Variants in DYNC1I1 observed in about 807,000 individuals in gnomAD.
DYNC1I1 encodes cytoplasmic dynein 1 intermediate chain 1.
DYNC1I1 carries 43 observed loss-of-function variants against 86.6 expected under a neutral mutation model. The ratio of observed to expected loss-of-function variants is 0.50; its 90% CI spans 0.39 to 0.64. The LOEUF is 0.64. Ranked by LOEUF, DYNC1I1 falls within the 30% of genes least tolerant of loss-of-function variation. The pLI, the probability that DYNC1I1 is intolerant of heterozygous loss-of-function variation, is 0.00. For missense variants in DYNC1I1, 604 were observed against 788.8 expected, an observed-to-expected ratio of 0.77 and a Z score of 2.81; for synonymous variants, 262 against 283.7, an observed-to-expected ratio of 0.92 and a Z score of 0.77.
chr7:96,059,353 CA>C (rs1045493556), intron 14 of DYNC1I1, among the ~76,000 whole-genome samples: 6 of 150,590 alleles, frequency 4.0e-5, no homozygotes, highest in East Asian at 2.0e-4. Context: ...AAATAGGCAA[CA>C]AAAAAAAGAT....
chr7:96,039,457 A>G (rs779364299), intron 14 of DYNC1I1, 36 bp downstream of exon 14: 2 of 1,612,674 alleles, frequency 1.2e-6, no homozygotes, highest in African/African-American at 1.3e-5. Context: ...CAGATAATAC[A>G]TAAGGGCAGA....
At chr7:96,084,590 T>G (rs1790624782) in intron 16 of DYNC1I1, among the ~76,000 whole-genome samples, 1 of 152,008 alleles carries the variant, frequency 6.6e-6, no homozygotes, top group African/African-American at 2.4e-5. Context: ...ACCCAGCAAA[T>G]TTTTGTATTT....
chr7:95,774,430 C>G (rs1249721855), intron 1 of DYNC1I1, among the ~76,000 whole-genome samples: 1 of 152,166 alleles, frequency 6.6e-6, no homozygotes, highest in African/African-American at 2.4e-5. Flanking sequence ...AGCCTTTCCT[C>G]CCTCTTTGCT....
Position 95,968,822 on chromosome 7 carries a change from C to CTGTGTG in DYNC1I1, c.491-8689_491-8688insGTGTGT, listed in dbSNP as rs1491236339. On this transcript the variant is annotated intron_variant, in intron 6 of 16. Transcript: ENST00000447467. ...ATCTTCAATTGTTCTGAATTTTTTG[C>CTGTGTG]TCTGTGTGTGTGTGTGTGTGTGTGT... Among the ~76,000 whole-genome samples the CTGTGTG allele has an allele frequency of 1.7e-4, 23 of 133,632 alleles. No individual in the cohort carries two copies. The East Asian group carries it at 2.5e-3, about 14-fold the overall frequency. 87.7% of individuals were successfully genotyped at this position (133,632 alleles called of 152,430 possible).
chr7:95,992,242 T>C (rs898629123), intron 9 of DYNC1I1, among the ~76,000 whole-genome samples: 1 of 152,172 alleles, frequency 6.6e-6, no homozygotes, highest in East Asian at 1.9e-4. Context: ...TAGTTACTTC[T>C]ACGTGTGTCT....
intron 6 of DYNC1I1, among the ~76,000 whole-genome samples, chr7:95,915,384 A>C (rs1435982304): frequency 6.6e-6 from 1 of 152,250 alleles, no homozygotes; most frequent in Admixed American, 6.5e-5. Flanking sequence ...ACTTACATCT[A>C]TCTCCAGAGC....
intron 16 of DYNC1I1, among the ~76,000 whole-genome samples, chr7:96,107,222 G>T (rs879440891): frequency 6.6e-6 from 1 of 151,734 alleles, no homozygotes; most frequent in Non-Finnish European, 1.5e-5. Flanking sequence ...TAGAGACAGG[G>T]TTTCATCATG....
intron 4 of DYNC1I1, among the ~76,000 whole-genome samples, chr7:95,816,466 C>T (rs1584248973): frequency 6.6e-6 from 1 of 152,014 alleles, no homozygotes; most frequent in South Asian, 2.1e-4. Flanking sequence ...TTTATGCTTC[C>T]ATTGTTATAT....
rs182644077 is a variant in DYNC1I1 at position 96,106,408 on chromosome 7, G to A, written c.1543-3571G>A. 6.3e-3 allele frequency among the ~76,000 whole-genome samples: 964 copies of A among 152,000 alleles called. 9 individuals carry two copies. Among genetic ancestry groups the A allele is most frequent in the African/African-American group, 0.014 (583 of 41,438 alleles). ...AAATTAGCCAGGTGTGGTGGCCGGC[G>A]CCTATAATCCCAGCTACTCGGGAGG... On this transcript the variant is annotated intron_variant, in intron 16 of 16. Coordinates refer to the DYNC1I1 transcript ENST00000537881.
At chr7:95,901,042 A>G (rs1311851595) in intron 6 of DYNC1I1, among the ~76,000 whole-genome samples, 3 of 152,230 alleles carry the variant, frequency 2.0e-5, no homozygotes, top group Admixed American at 2.0e-4. Context: ...CAAACATGGC[A>G]TCCTCCTTTT....
At position 95,984,912 on chromosome 7, in the gene DYNC1I1, A is replaced by G. The variant is rs1257058333; in HGVS notation, c.678A>G (p.Arg226=). 1.9e-6 allele frequency: 3 copies of G among 1,613,718 alleles called. No homozygotes were observed. The South Asian group carries it at 3.3e-5, about 18-fold the overall frequency. Residue 226 remains arginine, a synonymous_variant, in exon 8 of 17, where the codon AGA becomes AGG. Coordinates refer to ENST00000447467, the MANE Select transcript of DYNC1I1 (RefSeq NM_001135556.2). ...ACCGGACAATACGGGTAATTGAAAG[A>G]GCCCTGGCTGAAGATTCCGACATCT... is the stretch of plus-strand genomic sequence containing the variant. The part of the protein sequence containing the change: ...FFDRTIRVIE[R]ALAEDSDIFF...
At chr7:95,993,699 A>G (rs1793787107) in intron 9 of DYNC1I1, among the ~76,000 whole-genome samples, 1 of 152,218 alleles carries the variant, frequency 6.6e-6, no homozygotes, top group South Asian at 2.1e-4. Flanking sequence ...CAACCAGCAC[A>G]TTGTAACTCT....
At chr7:95,813,134 C>A in intron 3 of DYNC1I1, 113 bp from the exon 4 acceptor site, 1 of 1,543,530 alleles carries the variant, frequency 6.5e-7, no homozygotes. Context: ...TGTCTCCTGG[C>A]CATACAACCA....
chr7:95,924,302 C>G (rs1282975207), intron 6 of DYNC1I1, among the ~76,000 whole-genome samples: 3 of 152,120 alleles, frequency 2.0e-5, no homozygotes, highest in Non-Finnish European at 4.4e-5. Context: ...ACATATGGTG[C>G]TACTGTGCAT....
intron 5 of DYNC1I1, among the ~76,000 whole-genome samples, chr7:95,834,781 G>T (rs1203452843): frequency 1.6e-5 from 2 of 127,560 alleles, no homozygotes; most frequent in Non-Finnish European, 1.6e-5. Flanking sequence ...AGTATTCTCT[G>T]ATGGTAGTTT....
chr7:96,009,162 T>A (rs1315133243), intron 10 of DYNC1I1, among the ~76,000 whole-genome samples: 4 of 152,234 alleles, frequency 2.6e-5, no homozygotes, highest in Non-Finnish European at 4.4e-5. Flanking sequence ...TCACCTCATT[T>A]GCAACTTAGG....
chr7:96,102,648 CTT>C (rs1171119153), downstream of DYNC1I1, among the ~76,000 whole-genome samples: 2 of 152,152 alleles, frequency 1.3e-5, no homozygotes, highest in Non-Finnish European at 2.9e-5. Flanking sequence ...TGGGAAAAGA[CTT>C]TGCAGCAGGT....
At chr7:96,045,486 A>G (rs764600212) in intron 14 of DYNC1I1, among the ~76,000 whole-genome samples, 1 of 152,190 alleles carries the variant, frequency 6.6e-6, no homozygotes, top group African/African-American at 2.4e-5. Flanking sequence ...GGAGACATCA[A>G]AAGAGGTAGA....
At chr7:95,991,762 C>T (rs933534878) in intron 9 of DYNC1I1, among the ~76,000 whole-genome samples, 1 of 152,142 alleles carries the variant, frequency 6.6e-6, no homozygotes, top group African/African-American at 2.4e-5. Context: ...GTCATCTGTC[C>T]TAATAACCTA....
Sources: gnomAD v4.1 joint callset for allele counts (sites outside exome capture counted in the v4.1 genomes callset) on GRCh38, gnomAD v4.1.1 for gene constraint, MANE v1.5 for transcripts, NCBI Gene and HGNC (gene_info 2026-07-23, HGNC 2026-07-21) for gene names.